The following SOX6 variants were observed in gnomAD, a reference collection of about 807,000 sequenced individuals.
The protein encoded by SOX6 is transcription factor SOX-6.
A neutral mutation model predicts 97.8 loss-of-function variants in SOX6; 11 were observed. The ratio of observed to expected loss-of-function variants is 0.11; its 90% CI spans 0.07 to 0.19. The LOEUF (loss-of-function observed/expected upper bound fraction) is 0.19. Ranked by LOEUF, SOX6 falls within the 10% of genes least tolerant of loss-of-function variation. The probability of loss-of-function intolerance (pLI) is 1.00; values close to 1 mark genes in which losing one functional copy is unlikely to be tolerated. For synonymous variants in SOX6, 360 were observed against 371.4 expected (o/e 0.97, Z 0.35); for missense variants, 810 against 1,039.5 (o/e 0.78, Z 3.04).
chr11:16,427,816 A>C (rs1173407630), intron 1 of SOX6, among the ~76,000 whole-genome samples: 1 of 152,244 alleles, frequency 6.6e-6, no homozygotes, highest in Non-Finnish European at 1.5e-5. Flanking sequence ...TTATAGCAGC[A>C]TGATTTATAA....
intron 3 of SOX6, among the ~76,000 whole-genome samples, chr11:16,667,112 G>A (rs1847812926): frequency 6.7e-6 from 1 of 150,326 alleles, no homozygotes; most frequent in Admixed American, 6.6e-5. Flanking sequence ...ACCTGTCCCA[G>A]CTGAGTAGTC....
intron 3 of SOX6, among the ~76,000 whole-genome samples, chr11:16,632,089 T>C (rs1393169647): frequency 2.0e-5 from 3 of 152,226 alleles, no homozygotes; most frequent in African/African-American, 7.2e-5. Flanking sequence ...AGTTTCCATT[T>C]TGGTTAGGGT....
chr11:16,499,349 G>A (rs1303512880), intron 4 of SOX6, among the ~76,000 whole-genome samples: 3 of 151,974 alleles, frequency 2.0e-5, no homozygotes, highest in Admixed American at 6.5e-5. Flanking sequence ...GCCCACAAGA[G>A]AAAGCAGGAA....
At chr11:16,622,328 A>C (rs1848556162) in intron 3 of SOX6, among the ~76,000 whole-genome samples, 1 of 152,180 alleles carries the variant, frequency 6.6e-6, no homozygotes, top group African/African-American at 2.4e-5. Flanking sequence ...TACATGAATA[A>C]GTTCTTTAGT....
At chr11:16,538,699 A>G (rs912805250) in intron 4 of SOX6, among the ~76,000 whole-genome samples, 5 of 152,248 alleles carry the variant, frequency 3.3e-5, no homozygotes, top group African/African-American at 9.6e-5. Flanking sequence ...AACAAACTTT[A>G]AACCAACAAA....
chr11:16,179,564 T>C (rs1851292533), intron 6 of SOX6, among the ~76,000 whole-genome samples: 1 of 151,912 alleles, frequency 6.6e-6, no homozygotes. Context: ...GGCATTTAGT[T>C]CAGGCCTTCT....
intron 1 of SOX6, among the ~76,000 whole-genome samples, chr11:16,373,549 T>C (rs1348057088): frequency 1.3e-5 from 2 of 152,052 alleles, no homozygotes; most frequent in African/African-American, 2.4e-5. Context: ...CAGTAAATCT[T>C]GCAAGTAAGT....
intron 1 of SOX6, among the ~76,000 whole-genome samples, chr11:16,736,685 T>C (rs1382880538): frequency 6.6e-6 from 1 of 152,202 alleles, no homozygotes; most frequent in Non-Finnish European, 1.5e-5. Flanking sequence ...TCAAACCCAT[T>C]AGAGGTGAAC....
Position 16,567,561 on chromosome 11 carries a change from C to CT in SOX6, n.609+44519dup, listed in dbSNP as rs59320140. On this transcript the variant is annotated intron_variant and non_coding_transcript_variant, in intron 4 of 5. Transcript: ENST00000524520. ...TATTAATGGTATGTCATATTTTTTT[C>CT]TTTTTTTTTTTTTTTTTTTTTTTTT... Among the ~76,000 whole-genome samples, 402 of 87,374 alleles carry CT rather than the reference C, an allele frequency of 4.6e-3. 2 individuals are homozygous for CT. Among genetic ancestry groups the CT allele is most frequent in the African/African-American group, 5.6e-3 (138 of 24,692 alleles). The allele number at this position is 87,374 out of a possible 152,430, so 57.3% of individuals were successfully genotyped here. A position where few individuals can be genotyped will look rare whatever the true frequency, so the allele number is the denominator to read the frequency against.
intron 4 of SOX6, among the ~76,000 whole-genome samples, chr11:16,498,697 C>A (rs559838529): frequency 1.3e-5 from 2 of 152,146 alleles, no homozygotes; most frequent in African/African-American, 4.8e-5. Context: ...CAACAAAGAT[C>A]AAAAGAGACA....
At chr11:16,213,954 A>G (rs1029439957) in intron 4 of SOX6, among the ~76,000 whole-genome samples, 10 of 152,198 alleles carry the variant, frequency 6.6e-5, no homozygotes, top group Non-Finnish European at 1.5e-4. Flanking sequence ...TTTTGATAGC[A>G]TTAGAACTCC....
intron 6 of SOX6, among the ~76,000 whole-genome samples, chr11:16,167,558 T>C (rs1288960059): frequency 6.6e-6 from 1 of 152,194 alleles, no homozygotes; most frequent in Non-Finnish European, 1.5e-5. Flanking sequence ...TCTCATTTCC[T>C]ACTCTTTTCT....
intron 4 of SOX6, among the ~76,000 whole-genome samples, chr11:16,491,816 T>C (rs1246179781): frequency 6.6e-6 from 1 of 152,202 alleles, no homozygotes; most frequent in Non-Finnish European, 1.5e-5. Flanking sequence ...CTCTATCTCA[T>C]ATCATACAAT....
chr11:16,399,982 A>G (rs1220397691), intron 1 of SOX6, among the ~76,000 whole-genome samples: 4 of 151,370 alleles, frequency 2.6e-5, no homozygotes, highest in Non-Finnish European at 4.4e-5. Flanking sequence ...AGGATTCTTA[A>G]CTTAAAAAAA....
intron 3 of SOX6, among the ~76,000 whole-genome samples, chr11:16,273,231 C>A (rs138442241): frequency 2.6e-5 from 4 of 151,720 alleles, no homozygotes; most frequent in Non-Finnish European, 2.9e-5. Flanking sequence ...AGATGATGTG[C>A]GTGAGTCAAC....
intron 3 of SOX6, among the ~76,000 whole-genome samples, chr11:16,640,269 C>T (rs1239757359): frequency 1.3e-5 from 2 of 152,190 alleles, no homozygotes; most frequent in Non-Finnish European, 2.9e-5. Context: ...CCCACTGGAT[C>T]ATGGTGGATA....
chr11:16,548,166 G>T (rs181079237), intron 4 of SOX6, among the ~76,000 whole-genome samples: 4 of 152,014 alleles, frequency 2.6e-5, no homozygotes, highest in African/African-American at 9.7e-5. Context: ...TTTAGAATCC[G>T]TTTAGGCAAA....
chr11:16,252,941 G>A (rs1444650203), intron 3 of SOX6, among the ~76,000 whole-genome samples: 2 of 152,064 alleles, frequency 1.3e-5, no homozygotes, highest in African/African-American at 2.4e-5. Flanking sequence ...TCCCTCACAC[G>A]TTACCACTAC....
intron 4 of SOX6, among the ~76,000 whole-genome samples, chr11:16,191,705 G>A (rs1278198608): frequency 6.6e-6 from 1 of 151,992 alleles, no homozygotes; most frequent in African/African-American, 2.4e-5. Context: ...ACCACAAAAA[G>A]GGAACCAGCA....
Sources: gnomAD v4.1 joint callset for allele counts (sites outside exome capture counted in the v4.1 genomes callset) on GRCh38, gnomAD v4.1.1 for gene constraint, MANE v1.5 for transcripts, NCBI Gene and HGNC (gene_info 2026-07-23, HGNC 2026-07-21) for gene names.